The following CCSER1 variants were observed in gnomAD, a reference collection of about 807,000 sequenced individuals.
CCSER1 encodes coiled-coil serine rich protein 1.
Under a neutral mutation model 82.0 loss-of-function variants are expected in CCSER1, and 41 were observed. The observed-to-expected ratio is 0.50, with a 90% CI of 0.39 to 0.65. The LOEUF is 0.65. Ranked by LOEUF, CCSER1 falls within the 30% of genes least tolerant of loss-of-function variation. The probability of loss-of-function intolerance (pLI) is 0.00; values close to 1 mark genes in which losing one functional copy is unlikely to be tolerated. For synonymous variants in CCSER1, 414 were observed against 383.9 expected, an observed-to-expected ratio of 1.08 and a Z score of -0.92; for missense variants, 1,119 against 1,064.2, an observed-to-expected ratio of 1.05 and a Z score of -0.72.
chr4:90,613,047 G>A (rs1720547711), intron 5 of CCSER1, among the ~76,000 whole-genome samples: 1 of 152,064 alleles, frequency 6.6e-6, no homozygotes, highest in African/African-American at 2.4e-5. Context: ...GGCATGACAG[G>A]AATACACCCA....
chr4:90,302,396 G>C (rs1201806943), intron 1 of CCSER1, among the ~76,000 whole-genome samples: 2 of 152,120 alleles, frequency 1.3e-5, no homozygotes. Flanking sequence ...TGGCAACTTG[G>C]AAGAGGCAAT....
intron 9 of CCSER1, among the ~76,000 whole-genome samples, chr4:91,007,166 T>C (rs1738589506): frequency 6.6e-6 from 1 of 152,218 alleles, no homozygotes; most frequent in African/African-American, 2.4e-5. Flanking sequence ...TGTGACTTTT[T>C]ACTGTGCTAT....
At chr4:90,859,696 C>G (rs1344071133) in intron 8 of CCSER1, among the ~76,000 whole-genome samples, 1 of 151,658 alleles carries the variant, frequency 6.6e-6, no homozygotes, top group Non-Finnish European at 1.5e-5. Context: ...TTACTTAATA[C>G]AAAATACATT....
At chr4:91,040,270 T>A (rs185103817) in intron 9 of CCSER1, among the ~76,000 whole-genome samples, 87 of 152,336 alleles carry the variant, frequency 5.7e-4, no homozygotes, top group Non-Finnish European at 6.0e-4. Context: ...TGGTTGTTCA[T>A]TTATCCTGGC....
chr4:91,127,796 T>A (rs532530877), intron 10 of CCSER1, among the ~76,000 whole-genome samples: 1 of 152,206 alleles, frequency 6.6e-6, no homozygotes, highest in Admixed American at 6.6e-5. Context: ...TTTGGTTCAA[T>A]CTAGCAAATA....
At position 90,437,273 on chromosome 4, in the gene CCSER1, G is replaced by A. The variant is rs180796917; in HGVS notation, c.1604-30961G>A. Among the ~76,000 whole-genome samples, 29 of 147,696 alleles carry A rather than the reference G, an allele frequency of 2.0e-4. No individual in the cohort carries two copies. The South Asian group carries it at 3.0e-3, about 15-fold the overall frequency. ...CACATACGCACACATGCACACATGCGCGCGCACACACACACATATATATAT... is the reference window on the plus strand; with the variant it reads ...CACATACGCACACATGCACACATGCACGCGCACACACACACATATATATAT... On this transcript the variant is annotated intron_variant, in intron 4 of 10. Transcript: ENST00000509176.
intron 3 of CCSER1, among the ~76,000 whole-genome samples, chr4:90,357,681 G>A (rs1047563414): frequency 4.0e-5 from 6 of 151,886 alleles, no homozygotes; most frequent in Non-Finnish European, 7.4e-5. Flanking sequence ...TTAGTTAAGA[G>A]GTCAAGTAAC....
chr4:91,016,913 G>A (rs1739478038), intron 9 of CCSER1, among the ~76,000 whole-genome samples: 1 of 152,044 alleles, frequency 6.6e-6, no homozygotes, highest in Admixed American at 6.6e-5. Flanking sequence ...GGGAATAAGG[G>A]GAGGAGAGTT....
intron 9 of CCSER1, among the ~76,000 whole-genome samples, chr4:90,971,807 T>C (rs1735136704): frequency 6.6e-6 from 1 of 151,934 alleles, no homozygotes. Flanking sequence ...CACTCCATGG[T>C]AAAGTGGGAT....
intron 10 of CCSER1, among the ~76,000 whole-genome samples, chr4:91,494,105 C>A (rs951724491): frequency 6.6e-6 from 1 of 151,856 alleles, no homozygotes; most frequent in African/African-American, 2.4e-5. Flanking sequence ...AAGGTGCCAT[C>A]TTCTAAGTAA....
intron 3 of CCSER1, among the ~76,000 whole-genome samples, chr4:90,347,593 C>T (rs1742602084): frequency 6.6e-6 from 1 of 152,134 alleles, no homozygotes; most frequent in African/African-American, 2.4e-5. Context: ...CCAGCATGTG[C>T]ATGCTGAATA....
intron 4 of CCSER1, among the ~76,000 whole-genome samples, chr4:90,410,905 A>G (rs1268419443): frequency 1.3e-5 from 2 of 152,232 alleles, no homozygotes; most frequent in African/African-American, 4.8e-5. Flanking sequence ...CAAAGAGAGA[A>G]GAATCAAATA....
chr4:91,104,922 A>T (rs1174826792), intron 10 of CCSER1, among the ~76,000 whole-genome samples: 1 of 152,214 alleles, frequency 6.6e-6, no homozygotes, highest in Non-Finnish European at 1.5e-5. Context: ...GTATAAATTC[A>T]TGTGGTACAG....
At chr4:90,304,564 T>G (rs930110904) in intron 1 of CCSER1, among the ~76,000 whole-genome samples, 4 of 151,884 alleles carry the variant, frequency 2.6e-5, no homozygotes, top group Admixed American at 2.0e-4. Context: ...AACCCAACAC[T>G]GCATATTCTC....
At chr4:91,573,644 G>C (rs142499676) in intron 10 of CCSER1, among the ~76,000 whole-genome samples, 2 of 152,280 alleles carry the variant, frequency 1.3e-5, no homozygotes, top group African/African-American at 2.4e-5. Flanking sequence ...CCCTGGCTTC[G>C]TGATGCTACC....
chr4:90,469,421 A>G (rs1764054400), intron 5 of CCSER1, among the ~76,000 whole-genome samples: 1 of 151,940 alleles, frequency 6.6e-6, no homozygotes, highest in Non-Finnish European at 1.5e-5. Flanking sequence ...CTCTTCATAT[A>G]GTCTTAATTT....
chr4:90,565,595 A>G (rs533148104), intron 5 of CCSER1, among the ~76,000 whole-genome samples: 1 of 152,334 alleles, frequency 6.6e-6, no homozygotes, highest in East Asian at 1.9e-4. Flanking sequence ...TTCTAATGTC[A>G]GTGGAAAAGT....
intron 10 of CCSER1, among the ~76,000 whole-genome samples, chr4:91,399,702 T>A (rs937879393): frequency 6.6e-5 from 10 of 151,998 alleles, no homozygotes; most frequent in African/African-American, 2.4e-4. Context: ...TCTTCTTTTG[T>A]AGCCTTAGTT....
At chr4:90,825,666 A>G (rs1047854681) in intron 8 of CCSER1, among the ~76,000 whole-genome samples, 4 of 151,960 alleles carry the variant, frequency 2.6e-5, no homozygotes, top group African/African-American at 9.7e-5. Flanking sequence ...AAGATTTACA[A>G]AAGTTCCTCC....
Sources: gnomAD v4.1 joint callset for allele counts (sites outside exome capture counted in the v4.1 genomes callset) on GRCh38, gnomAD v4.1.1 for gene constraint, MANE v1.5 for transcripts, NCBI Gene and HGNC (gene_info 2026-07-23, HGNC 2026-07-21) for gene names.